CLDN11: variants seen among roughly 807,000 people sequenced by gnomAD.
The protein encoded by CLDN11 is claudin-11.
A neutral mutation model predicts 18.0 loss-of-function variants in CLDN11; 1 was observed. That is an observed-to-expected ratio of 0.06 (90% CI 0.02 to 0.26). The LOEUF is 0.26. Ranked by LOEUF, CLDN11 falls within the 10% of genes least tolerant of loss-of-function variation. The probability of loss-of-function intolerance (pLI) is 1.00; values close to 1 mark genes in which losing one functional copy is unlikely to be tolerated. For missense variants in CLDN11, 172 were observed against 276.6 expected (o/e 0.62, Z 2.68); for synonymous variants, 116 against 121.5 (o/e 0.96, Z 0.30).
At chr3:170,429,132 T>A (rs1417833511) in intron 2 of CLDN11, among the ~76,000 whole-genome samples, 1 of 152,248 alleles carries the variant, frequency 6.6e-6, no homozygotes, top group East Asian at 1.9e-4. Context: ...AAACCATTGC[T>A]GAAATTGAGT....
At chr3:170,426,561 C>T (rs2108246207) in intron 2 of CLDN11, among the ~76,000 whole-genome samples, 1 of 152,286 alleles carries the variant, frequency 6.6e-6, no homozygotes, top group Admixed American at 6.5e-5. Flanking sequence ...TGGGGCAGTT[C>T]CTTAATGTCT....
intron 2 of CLDN11, among the ~76,000 whole-genome samples, chr3:170,427,511 C>T (rs1483566312): frequency 6.6e-6 from 1 of 152,000 alleles, no homozygotes; most frequent in Non-Finnish European, 1.5e-5. Flanking sequence ...ATCCCTGCTA[C>T]TTGGGAGGCT....
chr3:170,429,118 C>G (rs1738939381), intron 2 of CLDN11, among the ~76,000 whole-genome samples: 1 of 152,206 alleles, frequency 6.6e-6, no homozygotes, highest in African/African-American at 2.4e-5. Flanking sequence ...CTCTTTCTCT[C>G]TTGAAACCAT....
Position 170,432,579 on chromosome 3 carries a change from C to T in CLDN11, c.447C>T (p.Thr149=). 2 of 1,614,176 alleles carry T rather than the reference C, an allele frequency of 1.2e-6. No individual in the cohort carries two copies. The highest frequency in any genetic ancestry group is 1.7e-6 in the Non-Finnish European group (2 of 1,180,042). ...TCCCTGTGTGCGCCCACCGTGAGAC[C>T]ACCATCGTGAGCTTTGGCTACTCCC... is the stretch of plus-strand genomic sequence containing the variant. ...IWFPVCAHRE[T]TIVSFGYSLY... The change falls in exon 3 of 3, where the codon ACC becomes ACT. Residue 149 remains threonine (T), a synonymous_variant. Coordinates refer to ENST00000064724, the MANE Select transcript of CLDN11 (RefSeq NM_005602.6).
At chr3:170,426,715 T>C (rs1246099862) in intron 2 of CLDN11, among the ~76,000 whole-genome samples, 1 of 152,224 alleles carries the variant, frequency 6.6e-6, no homozygotes, top group East Asian at 1.9e-4. Flanking sequence ...TTGTTATTGT[T>C]GGTTAGCTGG....
In CLDN11 at chr3:170,419,191, G is replaced by A; in HGVS notation, c.125G>A (p.Arg42His). Residue 42 changes from arginine (R) to histidine (H), a missense_variant, in exon 1 of 3, where the codon CGC (arginine) becomes CAC (histidine). Transcript: ENST00000064724. This position sits in a 1 kb window ranked among gnomAD's most constrained non-coding sequence, Gnocchi z 8.6. ...TGCGGCTACACCATCCCCACCTGCC[G>A]CAAGCTGGATGAGCTGGGCTCCAAG... The part of the protein sequence containing the change: ...VTCGYTIPTC[R>H]KLDELGSKGL... 2 of 1,563,650 alleles carry A rather than the reference G, an allele frequency of 1.3e-6. No individual in the cohort carries two copies. Among genetic ancestry groups the A allele is most frequent in the African/African-American group, 1.4e-5 (1 of 73,634 alleles).
Position 170,432,606 on chromosome 3 carries a change from G to T in CLDN11, c.474G>T (p.Leu158=). 2 of 1,614,156 alleles carry T rather than the reference G, an allele frequency of 1.2e-6. No individual in the cohort carries two copies. The highest frequency in any genetic ancestry group is 3.3e-4 in the Middle Eastern group (2 of 6,060). ...ETTIVSFGYS[L]YAGWIGAVLC... ...CCATCGTGAGCTTTGGCTACTCCCT[G>T]TATGCAGGCTGGATTGGTGCTGTGC... Residue 158 remains leucine (L), a synonymous_variant, in exon 3 of 3, where the codon CTG becomes CTT. Coordinates refer to ENST00000064724, the MANE Select transcript of CLDN11 (RefSeq NM_005602.6).
intron 2 of CLDN11, among the ~76,000 whole-genome samples, chr3:170,431,409 A>C (rs1475494465): frequency 6.6e-6 from 1 of 152,176 alleles, no homozygotes; most frequent in Non-Finnish European, 1.5e-5. Context: ...TCTCAACTTA[A>C]AGAGGTTTGG....
At chr3:170,430,251 T>C (rs765450842) in intron 2 of CLDN11, among the ~76,000 whole-genome samples, 3 of 152,200 alleles carry the variant, frequency 2.0e-5, no homozygotes, top group Non-Finnish European at 4.4e-5. Context: ...TTGCTGAAAG[T>C]AGAGACTCTG....
At chr3:170,424,460 C>T (rs750111099) in intron 2 of CLDN11, among the ~76,000 whole-genome samples, 1 of 152,154 alleles carries the variant, frequency 6.6e-6, no homozygotes, top group Non-Finnish European at 1.5e-5. Context: ...GCTGATTATA[C>T]CTGCACATAA....
chr3:170,432,487 G>C, intron 2 of CLDN11, 37 bp from the exon 3 acceptor site: 11 of 1,608,210 alleles, frequency 6.8e-6, no homozygotes, highest in Non-Finnish European at 9.3e-6. Flanking sequence ...GGTGTGTGAT[G>C]GTTGCGCCCA....
chr3:170,424,034 A>G (rs546540131), intron 2 of CLDN11, among the ~76,000 whole-genome samples: 2 of 133,092 alleles, frequency 1.5e-5, no homozygotes, highest in African/African-American at 3.7e-5. Context: ...AAAAAAAAAA[A>G]AAAAGAAAAA....
intron 1 of CLDN11, among the ~76,000 whole-genome samples, chr3:170,420,462 A>C (rs1160047767): frequency 6.6e-6 from 1 of 152,184 alleles, no homozygotes; most frequent in African/African-American, 2.4e-5. Flanking sequence ...CGGTCCTCGC[A>C]GTCGGAATCT....
At position 170,418,892 on chromosome 3, in the gene CLDN11, C is replaced by T; in HGVS notation, c.-175C>T. 1.8e-6 allele frequency: 1 copy of T among 567,896 alleles called. No homozygotes were observed. 35.2% of individuals were successfully genotyped at this position (567,896 alleles called of 1,614,324 possible). A position where few individuals can be genotyped will look rare whatever the true frequency, so the allele number is the denominator to read the frequency against. ...CAGCGCTGCTGTCCCCGCCGTGCGC[C>T]CTTCGCCGCTGAGCTCGCAGCCTCC... On this transcript the variant is annotated 5_prime_UTR_variant, in exon 1 of 3. Coordinates refer to ENST00000064724, the MANE Select transcript of CLDN11 (RefSeq NM_005602.6). The surrounding 1 kb of genome is among the most constrained non-coding windows in gnomAD (Gnocchi z 4.3).
At chr3:170,429,446 A>G (rs890675857) in intron 2 of CLDN11, among the ~76,000 whole-genome samples, 3 of 152,238 alleles carry the variant, frequency 2.0e-5, no homozygotes, top group African/African-American at 7.2e-5. Context: ...ATAAGATTTT[A>G]TGACTTTGGG....
chr3:170,425,524 C>G (rs1738832734), intron 2 of CLDN11, among the ~76,000 whole-genome samples: 1 of 152,126 alleles, frequency 6.6e-6, no homozygotes, highest in South Asian at 2.1e-4. Context: ...TTTGAAACTT[C>G]CTAGCTGAAT....
At chr3:170,423,562 G>C in intron 2 of CLDN11, 1 of 507,554 alleles carries the variant, frequency 2.0e-6, no homozygotes, top group Non-Finnish European at 3.5e-6. Flanking sequence ...AAGAGAAAGA[G>C]GATTTTGAAG....
chr3:170,432,886 T>C lies in CLDN11; in HGVS notation c.*130T>C, dbSNP rs1739037832. On this transcript the variant is annotated 3_prime_UTR_variant, in exon 3 of 3. Transcript: ENST00000064724. The stretch of plus-strand genomic sequence containing the variant: ...GCCAAAGGTCTAGAAAAGCATCCTG[T>C]CTGGCATTTTGTAGTCTTAACTTCT... The C allele has an allele frequency of 3.6e-6, 3 of 826,438 alleles. No homozygotes were observed. The highest frequency in any genetic ancestry group is 3.4e-5 in the South Asian group (2 of 59,684). 51.2% of individuals were successfully genotyped at this position (826,438 alleles called of 1,614,324 possible). A position where few individuals can be genotyped will look rare whatever the true frequency, so the allele number is the denominator to read the frequency against.
In CLDN11 at chr3:170,418,972, C is replaced by A; in HGVS notation, c.-95C>A. 1 of 949,370 alleles carries A rather than the reference C, an allele frequency of 1.1e-6. No individual in the cohort carries two copies. The highest frequency in any genetic ancestry group is 1.6e-6 in the Non-Finnish European group (1 of 625,866). 58.8% of individuals were successfully genotyped at this position (949,370 alleles called of 1,614,324 possible). ...CTCGGGCCGTCGCCCTCCAGCGGCT[C>A]GCGAGCGTGGGAGACGTACCTGGGC... is the stretch of plus-strand genomic sequence containing the variant. On this transcript the variant is annotated 5_prime_UTR_variant, in exon 1 of 3. Coordinates refer to ENST00000064724, the MANE Select transcript of CLDN11 (RefSeq NM_005602.6). This position sits in a 1 kb window ranked among gnomAD's most constrained non-coding sequence, Gnocchi z 4.3.
Sources: gnomAD v4.1 joint callset for allele counts (sites outside exome capture counted in the v4.1 genomes callset) on GRCh38, gnomAD v4.1.1 for gene constraint, Gnocchi (gnomAD v3.1) non-coding constraint, MANE v1.5 for transcripts, NCBI Gene and HGNC (gene_info 2026-07-23, HGNC 2026-07-21) for gene names.